SASH1: variants seen among roughly 807,000 people sequenced by gnomAD.
SASH1 encodes SAM and SH3 domain containing 1.
Under a neutral mutation model 125.2 loss-of-function variants are expected in SASH1, and 44 were observed. The observed-to-expected ratio is 0.35, with a 90% CI of 0.28 to 0.45. SASH1 has a LOEUF of 0.45. Among genes scored for constraint, SASH1 ranks in the 20% least tolerant of loss-of-function variants. The pLI is 1.00. For synonymous variants in SASH1, 639 were observed against 649.1 expected (o/e 0.98, Z 0.24); for missense variants, 1,426 against 1,614.5 (o/e 0.88, Z 2.00).
chr6:148,506,504 AT>A (rs1434971145), intron 8 of SASH1, among the ~76,000 whole-genome samples: 1 of 152,116 alleles, frequency 6.6e-6, no homozygotes, highest in African/African-American at 2.4e-5. Flanking sequence ...AATAGTAAAA[AT>A]ATTAAGTCCT....
chr6:148,327,896 G>T (rs191442208), intron 1 of SASH1, among the ~76,000 whole-genome samples: 5 of 144,540 alleles, frequency 3.5e-5, no homozygotes, highest in Non-Finnish European at 7.5e-5. Context: ...AGCCAAGGTC[G>T]CACCACTGCA....
intron 4 of SASH1, among the ~76,000 whole-genome samples, chr6:148,452,541 C>T (rs903899669): frequency 3.3e-5 from 5 of 152,242 alleles, no homozygotes; most frequent in African/African-American, 1.2e-4. Context: ...TGAGTTTACG[C>T]TCCGCTAGTT....
intron 1 of SASH1, among the ~76,000 whole-genome samples, chr6:148,291,117 A>G (rs1779622455): frequency 6.6e-6 from 1 of 151,950 alleles, no homozygotes; most frequent in Non-Finnish European, 1.5e-5. Flanking sequence ...CTCCTGCCTC[A>G]GCCAATTAGG....
the SASH1 span, among the ~76,000 whole-genome samples, chr6:148,254,146 G>A: frequency 7.2e-3 from 1,093 of 151,946 alleles, 7 homozygotes; most frequent in Non-Finnish European, 0.011. Context: ...AGTGGAGGTT[G>A]CAGTGAGCTG....
chr6:148,507,618 G>A (rs144851822), intron 8 of SASH1, among the ~76,000 whole-genome samples: 7 of 152,174 alleles, frequency 4.6e-5, no homozygotes, highest in African/African-American at 1.7e-4. Flanking sequence ...TGATCTGCCC[G>A]CCTCCGTTGG....
At chr6:148,200,429 A>G in the SASH1 span, among the ~76,000 whole-genome samples, 2 of 152,162 alleles carry the variant, frequency 1.3e-5, no homozygotes, top group Non-Finnish European at 2.9e-5. Context: ...AGCGAGCGGG[A>G]GGGGGCCGCG....
intron 4 of SASH1, among the ~76,000 whole-genome samples, chr6:148,461,447 A>C (rs951402331): frequency 3.9e-5 from 6 of 152,236 alleles, no homozygotes; most frequent in Non-Finnish European, 7.3e-5. Context: ...TTCTAACAGT[A>C]TGCCAGATTT....
chr6:148,211,355 G>A, the SASH1 span, among the ~76,000 whole-genome samples: 10 of 152,198 alleles, frequency 6.6e-5, no homozygotes, highest in Non-Finnish European at 1.3e-4. Context: ...GGGATCACCT[G>A]AGGTCAGGAG....
rs909078101 is a variant in SASH1, at chr6:148,534,959, G to A, written c.2095+58G>A. ...TGAGGTCTGCCACAGCAGGCCCCAC[G>A]TATGCTGCCAGTATGTGCTTAGGTC... is the stretch of plus-strand genomic sequence containing the variant. On this transcript the variant is annotated intron_variant, in intron 16 of 19. Coordinates refer to ENST00000367467, the MANE Select transcript of SASH1 (RefSeq NM_015278.5). 41 of 1,543,082 alleles carry A rather than the reference G, an allele frequency of 2.7e-5. No homozygotes were observed. The South Asian group carries it at 3.5e-4, about 13-fold the overall frequency.
rs1472325449 is a variant in SASH1, at chr6:148,544,118, A to G, written c.2648A>G (p.Glu883Gly). Reference protein sequence around the residue: ...TASSTKAQPLEQDSAVDNALL... With the variant: ...TASSTKAQPLGQDSAVDNALL... ...TCTTCCACGAAGGCCCAGCCCCTGG[A>G]GCAAGACTCTGCTGTCGACAATGCA... is the stretch of plus-strand genomic sequence containing the variant. Residue 883 changes from glutamate to glycine, a missense_variant, in exon 18 of 20, where the codon GAG becomes GGG. Around this residue, in one of 3 missense-constraint regions of SASH1, gnomAD observed 634 missense variants for 694.4 expected, o/e 0.91. Transcript: ENST00000367467. The surrounding 1 kb of genome is among the most constrained non-coding windows in gnomAD (Gnocchi z 6.4). 6.2e-7 allele frequency: 1 copy of G among 1,613,956 alleles called. No individual in the cohort carries two copies. The highest frequency in any genetic ancestry group is 8.5e-7 in the Non-Finnish European group (1 of 1,180,006).
At chr6:148,294,461 C>A (rs1402112878) in intron 1 of SASH1, among the ~76,000 whole-genome samples, 1 of 152,134 alleles carries the variant, frequency 6.6e-6, no homozygotes, top group African/African-American at 2.4e-5. Context: ...GAATGAAGTC[C>A]AAATAGGAAT....
chr6:148,194,217 C>T, the SASH1 span, among the ~76,000 whole-genome samples: 2 of 152,186 alleles, frequency 1.3e-5, no homozygotes, highest in Admixed American at 6.5e-5. Context: ...GATTCCCTGA[C>T]TTTGGTGATT....
At chr6:148,433,563 A>C (rs541642146) in intron 2 of SASH1, among the ~76,000 whole-genome samples, 1 of 151,152 alleles carries the variant, frequency 6.6e-6, no homozygotes, top group South Asian at 2.1e-4. Context: ...GTGCCTTCAC[A>C]CCTGGCTTAT....
intron 1 of SASH1, among the ~76,000 whole-genome samples, chr6:148,288,015 G>GC (rs1779531392): frequency 6.6e-6 from 1 of 152,150 alleles, no homozygotes; most frequent in South Asian, 2.1e-4. Context: ...GTGGGCTTTC[G>GC]TTCTCACCAA....
chr6:148,534,954 C>T, intron 16 of SASH1, 53 bp downstream of exon 16: 2 of 1,576,460 alleles, frequency 1.3e-6, no homozygotes, highest in Non-Finnish European at 1.7e-6. Context: ...CACAGCAGGC[C>T]CCACGTATGC....
intron 1 of SASH1, among the ~76,000 whole-genome samples, chr6:148,335,839 G>A (rs1004977238): frequency 1.3e-5 from 2 of 152,058 alleles, no homozygotes; most frequent in Non-Finnish European, 2.9e-5. Context: ...ACTCAGCAAC[G>A]GCATTCCAGA....
At chr6:148,206,859 A>G in the SASH1 span, among the ~76,000 whole-genome samples, 1 of 151,760 alleles carries the variant, frequency 6.6e-6, no homozygotes, top group East Asian at 1.9e-4. Context: ...TATGCATTAA[A>G]AAACATTCAG....
At chr6:148,342,250 A>C (rs1025381884), upstream of SASH1, among the ~76,000 whole-genome samples, 7 of 152,222 alleles carry the variant, frequency 4.6e-5, no homozygotes, top group Non-Finnish European at 1.0e-4. Context: ...TTTGCAGAGA[A>C]GTCTTGGCTG....
At chr6:148,488,520 T>C (rs1006573653) in intron 8 of SASH1, among the ~76,000 whole-genome samples, 3 of 152,344 alleles carry the variant, frequency 2.0e-5, no homozygotes, top group Admixed American at 1.3e-4. Flanking sequence ...TACCTAGGGG[T>C]AGAATTTCTG....
Sources: allele counts gnomAD v4.1 joint callset (sites outside exome capture counted in the v4.1 genomes callset), GRCh38; gene constraint gnomAD v4.1.1; regional missense constraint gnomAD v4.1.1; non-coding constraint Gnocchi (gnomAD v3.1); transcripts MANE v1.5; gene names NCBI Gene and HGNC (gene_info 2026-07-23, HGNC 2026-07-21).